PTPRD: variants seen among roughly 807,000 people sequenced by gnomAD.
PTPRD encodes the protein protein tyrosine phosphatase receptor type D.
PTPRD carries 34 observed loss-of-function variants against 214.5 expected under a neutral mutation model. That is an observed-to-expected ratio of 0.16 (90% CI 0.12 to 0.21). PTPRD has a LOEUF of 0.21. PTPRD is among the 10% of genes least tolerant of loss of function. The pLI is 1.00. For missense variants in PTPRD, 2,545 were observed against 2,398.7 expected (o/e 1.06, Z -1.27); for synonymous variants, 1,128 against 845.7 (o/e 1.33, Z -5.79).
At chr9:10,091,339 T>G (rs2098427286) in intron 3 of PTPRD, among the ~76,000 whole-genome samples, 1 of 151,542 alleles carries the variant, frequency 6.6e-6, no homozygotes, top group African/African-American at 2.4e-5. Flanking sequence ...AAGAGTTAAT[T>G]ATTTTTGTTA....
At chr9:9,516,402 G>C (rs973352893) in intron 8 of PTPRD, among the ~76,000 whole-genome samples, 1 of 151,868 alleles carries the variant, frequency 6.6e-6, no homozygotes, top group Non-Finnish European at 1.5e-5. Flanking sequence ...ATCGAGAAAA[G>C]ATGAACACCT....
At chr9:8,814,379 A>G (rs2096877699) in intron 11 of PTPRD, among the ~76,000 whole-genome samples, 2 of 152,190 alleles carry the variant, frequency 1.3e-5, no homozygotes. Context: ...CTTTAAGTGA[A>G]GGAAACAGAG....
chr9:10,131,925 C>T (rs7037950), intron 3 of PTPRD, among the ~76,000 whole-genome samples: 1 of 151,964 alleles, frequency 6.6e-6, no homozygotes, highest in Admixed American at 6.6e-5. Flanking sequence ...AACAATATAG[C>T]ACCTTTAATA....
intron 14 of PTPRD, among the ~76,000 whole-genome samples, chr9:8,530,268 C>T (rs1475187970): frequency 6.6e-6 from 1 of 152,024 alleles, no homozygotes; most frequent in African/African-American, 2.4e-5. Context: ...CTAGCAAAGT[C>T]CTTTTCAATC....
chr9:9,140,714 G>A (rs2099858821), intron 10 of PTPRD, among the ~76,000 whole-genome samples: 1 of 152,220 alleles, frequency 6.6e-6, no homozygotes, highest in Non-Finnish European at 1.5e-5. Flanking sequence ...AAGTAGCTGG[G>A]ACTACAGGTG....
chr9:9,981,224 A>G (rs1257778315), intron 4 of PTPRD, among the ~76,000 whole-genome samples: 1 of 152,220 alleles, frequency 6.6e-6, no homozygotes, highest in East Asian at 1.9e-4. Context: ...AAGCAAGTAA[A>G]TGAAGTGAAC....
At chr9:8,559,025 T>C (rs2085099688) in intron 14 of PTPRD, among the ~76,000 whole-genome samples, 1 of 152,112 alleles carries the variant, frequency 6.6e-6, no homozygotes, top group African/African-American at 2.4e-5. Context: ...TACATTTACA[T>C]AGTCTAATAG....
chr9:9,080,619 C>G (rs191480548), intron 10 of PTPRD, among the ~76,000 whole-genome samples: 8 of 152,140 alleles, frequency 5.3e-5, no homozygotes, highest in Admixed American at 3.9e-4. Context: ...CCAGAGCTTC[C>G]CACTTAATCA....
At chr9:10,541,745 T>A (rs1351871008) in intron 2 of PTPRD, among the ~76,000 whole-genome samples, 1 of 152,018 alleles carries the variant, frequency 6.6e-6, no homozygotes, top group African/African-American at 2.4e-5. Context: ...CTATGGAAAT[T>A]TAACTTCTAT....
intron 34 of PTPRD, among the ~76,000 whole-genome samples, chr9:8,444,819 A>C (rs550742272): frequency 1.3e-5 from 2 of 152,216 alleles, no homozygotes; most frequent in Non-Finnish European, 2.9e-5. Context: ...TTATAAAAGA[A>C]AGAAAGAGAA....
intron 11 of PTPRD, among the ~76,000 whole-genome samples, chr9:8,817,940 T>G (rs2096955913): frequency 6.6e-6 from 1 of 152,192 alleles, no homozygotes; most frequent in Non-Finnish European, 1.5e-5. Flanking sequence ...CTCAGGGGTT[T>G]TTAAAAGGCA....
intron 8 of PTPRD, among the ~76,000 whole-genome samples, chr9:9,573,299 G>A (rs1253762854): frequency 2.6e-5 from 4 of 151,200 alleles, no homozygotes; most frequent in Admixed American, 6.6e-5. Flanking sequence ...TATTCTAGAA[G>A]CAAAGATACT....
intron 8 of PTPRD, among the ~76,000 whole-genome samples, chr9:9,474,269 G>A (rs939931791): frequency 4.6e-5 from 7 of 151,938 alleles, no homozygotes; most frequent in African/African-American, 1.7e-4. Context: ...GGCTGCAATA[G>A]GTAAATTAAT....
At position 9,431,418 on chromosome 9, in the gene PTPRD, G is replaced by C. The variant is rs1318811864; in HGVS notation, c.-236-33936C>G. Among the ~76,000 whole-genome samples, 15 of 152,144 alleles carry C rather than the reference G, an allele frequency of 9.9e-5. 1 individual carries two copies. Among genetic ancestry groups the C allele is most frequent in the Non-Finnish European group, 1.5e-5 (1 of 68,022 alleles). ...GTCAGGAAACAACAGGTGCTGGAGAGGATGTGGAGAAATAGGAATGCTTTT... is the reference window on the plus strand; with the variant it reads ...GTCAGGAAACAACAGGTGCTGGAGACGATGTGGAGAAATAGGAATGCTTTT... On this transcript the variant is annotated intron_variant, in intron 8 of 45. Transcript: ENST00000381196.
intron 10 of PTPRD, among the ~76,000 whole-genome samples, chr9:9,064,455 C>G (rs1188908503): frequency 6.6e-6 from 1 of 152,052 alleles, no homozygotes; most frequent in Non-Finnish European, 1.5e-5. Flanking sequence ...AACTGATTGT[C>G]ACACAATGAT....
intron 14 of PTPRD, among the ~76,000 whole-genome samples, chr9:8,624,470 A>T (rs2095942674): frequency 6.6e-6 from 1 of 151,822 alleles, no homozygotes; most frequent in South Asian, 2.1e-4. Context: ...TTACTGAATT[A>T]CTATGTGCCT....
rs1274347777 is a variant in PTPRD at position 8,486,128 on chromosome 9, C to T, written c.2689G>A (p.Ala897Thr). Reference protein sequence around the residue: ...KGASYVFRLSARNKVGFGEEM... With the variant: ...KGASYVFRLSTRNKVGFGEEM... ...TCCCCAAAGCCCACTTTGTTTCTGG[C>T]TGAGAGCCTGAAGACGTATGATGCT... The change falls in exon 28 of 46, where the codon GCC becomes ACC. Residue 897 changes from alanine (A) to threonine (T), a missense_variant. Ala to Thr is a moderately conservative substitution (Grantham distance 58). Coordinates refer to ENST00000381196, the MANE Select transcript of PTPRD (RefSeq NM_002839.4). 5 of 1,614,158 alleles carry T rather than the reference C, an allele frequency of 3.1e-6. No individual in the cohort carries two copies. Among genetic ancestry groups the T allele is most frequent in the Non-Finnish European group, 4.2e-6 (5 of 1,180,020 alleles).
At chr9:9,991,855 C>G (rs895442213) in intron 4 of PTPRD, among the ~76,000 whole-genome samples, 8 of 151,688 alleles carry the variant, frequency 5.3e-5, no homozygotes, top group African/African-American at 1.9e-4. Context: ...CACACACACA[C>G]ACACACACAC....
chr9:10,608,815 G>C (rs2080171110), intron 2 of PTPRD, among the ~76,000 whole-genome samples: 1 of 151,986 alleles, frequency 6.6e-6, no homozygotes, highest in Admixed American at 6.6e-5. Context: ...AATTTTAAGA[G>C]TTTTGAAAAG....
Sources: gnomAD v4.1 joint callset for allele counts (sites outside exome capture counted in the v4.1 genomes callset) on GRCh38, gnomAD v4.1.1 for gene constraint, MANE v1.5 for transcripts, NCBI Gene and HGNC (gene_info 2026-07-23, HGNC 2026-07-21) for gene names.